The following IQSEC1 variants were observed in gnomAD, a reference collection of about 807,000 sequenced individuals.
The protein encoded by IQSEC1 is IQ motif and SEC7 domain-containing protein 1.
In IQSEC1, 31 loss-of-function variants were observed where a neutral mutation model predicts 91.0. The observed-to-expected ratio is 0.34, with a 90% CI of 0.26 to 0.46. The LOEUF (loss-of-function observed/expected upper bound fraction) is 0.46, where lower values mean the gene tolerates loss of function less well. Ranked by LOEUF, IQSEC1 falls within the 20% of genes least tolerant of loss-of-function variation. The pLI is 1.00. For synonymous variants in IQSEC1, 699 were observed against 662.6 expected (o/e 1.05, Z -0.84); for missense variants, 1,388 against 1,575.6 (o/e 0.88, Z 2.02).
chr3:12,921,441 AG>A (rs1361708991), intron 5 of IQSEC1, among the ~76,000 whole-genome samples: 1 of 152,188 alleles, frequency 6.6e-6, no homozygotes, highest in Non-Finnish European at 1.5e-5. Context: ...CCAAACATGC[AG>A]GCTTCTACAC....
At chr3:12,936,916 G>A (rs990209727) in intron 2 of IQSEC1, among the ~76,000 whole-genome samples, 1 of 151,764 alleles carries the variant, frequency 6.6e-6, no homozygotes, top group African/African-American at 2.4e-5. Flanking sequence ...GTGCAACCAT[G>A]TTTTTCCTCT....
At chr3:13,164,059 C>T (rs1693417317) in intron 2 of IQSEC1, among the ~76,000 whole-genome samples, 1 of 152,198 alleles carries the variant, frequency 6.6e-6, no homozygotes, top group South Asian at 2.1e-4. Context: ...ACGCCGCTCA[C>T]CGCCAGGATT....
intron 1 of IQSEC1, among the ~76,000 whole-genome samples, chr3:13,223,707 G>C (rs1014994955): frequency 1.3e-5 from 2 of 152,372 alleles, no homozygotes; most frequent in Admixed American, 6.5e-5. Context: ...GGCGTCTGCA[G>C]AGGAAGTCAA....
chr3:13,018,888 G>C (rs140173263), intron 1 of IQSEC1, among the ~76,000 whole-genome samples: 20 of 152,310 alleles, frequency 1.3e-4, no homozygotes, highest in African/African-American at 4.3e-4. Context: ...GCCCAGTTTT[G>C]AACTCAGGTC....
intron 1 of IQSEC1, among the ~76,000 whole-genome samples, chr3:13,231,355 G>A (rs1298471820): frequency 6.6e-6 from 1 of 152,226 alleles, no homozygotes; most frequent in Non-Finnish European, 1.5e-5. Context: ...AGATGCTATA[G>A]ACTAGGTGGC....
chr3:12,971,512 T>C (rs1347584384), intron 1 of IQSEC1, among the ~76,000 whole-genome samples: 1 of 152,200 alleles, frequency 6.6e-6, no homozygotes, highest in African/African-American at 2.4e-5. Flanking sequence ...GTTAAAAAGA[T>C]GGCAGCAGCA....
chr3:13,206,156 T>TCCCTCCATCCACCCTTCCAC (rs1559277382), intron 1 of IQSEC1, among the ~76,000 whole-genome samples: 1 of 117,936 alleles, frequency 8.5e-6, no homozygotes. Context: ...CACCTATCCA[T>TCCCTCCATCCACCCTTCCAC]CCCTCCATCC....
intron 2 of IQSEC1, among the ~76,000 whole-genome samples, chr3:13,154,462 T>TATATACACACACAC (rs1553569717): frequency 5.2e-5 from 6 of 116,430 alleles, no homozygotes; most frequent in African/African-American, 2.0e-4. Flanking sequence ...TATATATATA[T>TATATACACACACAC]ATATATATAT....
At chr3:13,059,595 T>C (rs1704994718) in intron 1 of IQSEC1, among the ~76,000 whole-genome samples, 1 of 151,636 alleles carries the variant, frequency 6.6e-6, no homozygotes, top group South Asian at 2.1e-4. Context: ...TACAAAAAAA[T>C]AAAAAAAATT....
At chr3:12,902,863 G>C in intron 12 of IQSEC1, 41 bp from the exon 13 acceptor site, 1 of 1,510,956 alleles carries the variant, frequency 6.6e-7, no homozygotes, top group Non-Finnish European at 9.2e-7. Flanking sequence ...ACGCGGACAT[G>C]AGGCTGGGGG....
intron 1 of IQSEC1, among the ~76,000 whole-genome samples, chr3:13,169,033 C>G (rs1693554441): frequency 6.6e-6 from 1 of 152,156 alleles, no homozygotes. Flanking sequence ...CTGCAAAATT[C>G]TTTTAAAACA....
intron 1 of IQSEC1, among the ~76,000 whole-genome samples, chr3:13,014,654 CCT>C (rs768421007): frequency 6.6e-6 from 1 of 152,122 alleles, no homozygotes; most frequent in Non-Finnish European, 1.5e-5. Context: ...CAGGCTGCTC[CCT>C]GAGGCTGGGT....
Position 13,207,030 on chromosome 3 carries a change from A to G in IQSEC1, c.273-42897T>C, listed in dbSNP as rs1292851234. On this transcript the variant is annotated intron_variant, in intron 1 of 15. Coordinates refer to the IQSEC1 transcript ENST00000648114. This position sits in a 1 kb window ranked among gnomAD's most constrained non-coding sequence, Gnocchi z 4.8. ...GCCACACCTGGACTGGTCATTTCCC[A>G]TCTCTAGCATATTAGCCAGGACAGC... is the stretch of plus-strand genomic sequence containing the variant. Among the ~76,000 whole-genome samples, 1 of 151,896 alleles carries G rather than the reference A, an allele frequency of 6.6e-6. No individual in the cohort carries two copies. The highest frequency in any genetic ancestry group is 1.5e-5 in the Non-Finnish European group (1 of 67,982).
At chr3:13,001,428 A>C (rs1702419509) in intron 1 of IQSEC1, among the ~76,000 whole-genome samples, 1 of 152,222 alleles carries the variant, frequency 6.6e-6, no homozygotes, top group Admixed American at 6.5e-5. Flanking sequence ...TGGGCCTCTA[A>C]GAATACAGTT....
chr3:12,934,064 G>A (rs1039584315), intron 3 of IQSEC1, among the ~76,000 whole-genome samples: 3 of 152,226 alleles, frequency 2.0e-5, no homozygotes, highest in African/African-American at 7.2e-5. Flanking sequence ...CTGTGCCCAG[G>A]AGCAGTGGGG....
intron 1 of IQSEC1, among the ~76,000 whole-genome samples, chr3:13,247,944 C>T (rs149706242): frequency 6.6e-6 from 1 of 152,186 alleles, no homozygotes; most frequent in Non-Finnish European, 1.5e-5. Context: ...TGTCCAGGAC[C>T]GTGGGCCACT....
In IQSEC1 at chr3:13,008,079, C is replaced by A. The variant is rs143448463; in HGVS notation, c.23+64913G>T. Among the ~76,000 whole-genome samples, 1 of 152,314 alleles carries A rather than the reference C, an allele frequency of 6.6e-6. No individual in the cohort carries two copies. Among genetic ancestry groups the A allele is most frequent in the Non-Finnish European group, 1.5e-5 (1 of 68,024 alleles). On this transcript the variant is annotated intron_variant, in intron 1 of 13. Transcript: ENST00000613206. The surrounding 1 kb of genome is among the most constrained non-coding windows in gnomAD (Gnocchi z 4.1). ...CCACCCCAGGAACCCCAGGGAGGGG[C>A]CAGGTGCCTGGCCTTCTGAGTGTCT...
intron 12 of IQSEC1, 128 bp from the exon 13 acceptor site, chr3:12,902,950 C>T (rs1694532391): frequency 1.4e-6 from 1 of 739,422 alleles, no homozygotes; most frequent in Non-Finnish European, 2.5e-6. Flanking sequence ...CCGGGCCCAC[C>T]TGCCCGCAGG....
chr3:13,272,198 AC>A (rs1695600385), intron 1 of IQSEC1, among the ~76,000 whole-genome samples: 1 of 151,894 alleles, frequency 6.6e-6, no homozygotes, highest in South Asian at 2.1e-4. Context: ...CTTCCCAACC[AC>A]CCTTGCTTTG....
Sources: allele counts gnomAD v4.1 joint callset (sites outside exome capture counted in the v4.1 genomes callset), GRCh38; gene constraint gnomAD v4.1.1; non-coding constraint Gnocchi (gnomAD v3.1); transcripts MANE v1.5; gene names NCBI Gene and HGNC (gene_info 2026-07-23, HGNC 2026-07-21).